FOCAD: variants seen among roughly 807,000 people sequenced by gnomAD.
FOCAD encodes the protein focadhesin.
A neutral mutation model predicts 225.6 loss-of-function variants in FOCAD; 198 were observed. That is an observed-to-expected ratio of 0.88 (90% CI 0.78 to 0.99). The LOEUF (loss-of-function observed/expected upper bound fraction) is 0.99. Among genes scored for constraint, FOCAD ranks in the 50% least tolerant of loss-of-function variants. The pLI is 0.00. For missense variants in FOCAD, 2,713 were observed against 2,123.6 expected (o/e 1.28, Z -5.46); for synonymous variants, 897 against 755.0 (o/e 1.19, Z -3.08).
At chr9:20,770,288 C>T in intron 8 of FOCAD, 50 bp downstream of exon 8, 2 of 1,485,634 alleles carry the variant, frequency 1.3e-6, no homozygotes, top group South Asian at 1.2e-5. Context: ...TTAAGAAATA[C>T]CTGAGACTTG....
chr9:20,956,924 C>T (rs1003001412), intron 35 of FOCAD, among the ~76,000 whole-genome samples: 1 of 152,140 alleles, frequency 6.6e-6, no homozygotes, highest in African/African-American at 2.4e-5. Flanking sequence ...GAACTCCCGA[C>T]CTCAGGTGAT....
intron 16 of FOCAD, 55 bp from the exon 17 acceptor site, chr9:20,865,871 G>C: frequency 7.8e-7 from 1 of 1,283,116 alleles, no homozygotes; most frequent in Non-Finnish European, 1.1e-6. Flanking sequence ...GGATTATTTA[G>C]TCTCAGTTTT....
chr9:20,778,897 A>G (rs1238786337), intron 9 of FOCAD, 129 bp downstream of exon 9: 2 of 510,464 alleles, frequency 3.9e-6, no homozygotes, highest in Non-Finnish European at 6.8e-6. Context: ...AAATTATTAA[A>G]TAGAATTTTT....
chr9:20,936,556 C>G (rs776500323), intron 28 of FOCAD, among the ~76,000 whole-genome samples: 1 of 152,030 alleles, frequency 6.6e-6, no homozygotes, highest in Non-Finnish European at 1.5e-5. Flanking sequence ...AGGCCGGGCG[C>G]GGTGGCTCAC....
Position 20,981,568 on chromosome 9 carries a change from C to G in FOCAD, c.4520C>G (p.Pro1507Arg), listed in dbSNP as rs1346332051. ...ASPLGSPELCPSALHGLSQAM... is the reference protein window; with the variant it reads ...ASPLGSPELCRSALHGLSQAM... Reference sequence around the variant, plus strand: ...CCACTTGGAAGTCCTGAGCTATGCCCAAGTGCTTTACACGGTCTGAGCCAG... The same window carrying G: ...CCACTTGGAAGTCCTGAGCTATGCCGAAGTGCTTTACACGGTCTGAGCCAG... Residue 1507 changes from proline (P) to arginine (R), a missense_variant, in exon 38 of 44, where the codon CCA (proline) becomes CGA (arginine). Transcript: ENST00000338382. 1 of 1,614,020 alleles carries G rather than the reference C, an allele frequency of 6.2e-7. No homozygotes were observed. Among genetic ancestry groups the G allele is most frequent in the Non-Finnish European group, 8.5e-7 (1 of 1,179,996 alleles).
intron 5 of FOCAD, among the ~76,000 whole-genome samples, chr9:20,748,559 A>T (rs1828268555): frequency 6.6e-6 from 1 of 152,142 alleles, no homozygotes; most frequent in African/African-American, 2.4e-5. Context: ...AATCAGAGAA[A>T]GAAGATGGGA....
At chr9:20,811,965 C>G (rs530853980) in intron 11 of FOCAD, among the ~76,000 whole-genome samples, 2 of 152,124 alleles carry the variant, frequency 1.3e-5, no homozygotes, top group African/African-American at 4.8e-5. Flanking sequence ...TGAATACACA[C>G]TATTATCTTA....
Position 20,976,496 on chromosome 9 carries a change from T to A in FOCAD, c.4209T>A (p.Tyr1403Ter). 1 of 1,613,368 alleles carries A rather than the reference T, an allele frequency of 6.2e-7. No homozygotes were observed. Among genetic ancestry groups the A allele is most frequent in the Non-Finnish European group, 8.5e-7 (1 of 1,179,418 alleles). The change falls in exon 36 of 44, where the codon TAT becomes TAA. Residue 1403 changes from tyrosine to a stop codon, truncating the protein, a stop_gained. Coordinates refer to ENST00000338382, the MANE Select transcript of FOCAD (RefSeq NM_001375567.1). LOFTEE classifies it high-confidence loss of function. Reference protein sequence around the residue: ...PIATVGESYQYPPVNWAALLS... With the variant: ...PIATVGESYQ The stretch of plus-strand genomic sequence containing the variant: ...CAACTGTTGGAGAAAGCTACCAATA[T>A]CCTCCTGTGAACTGGGCTGCACTTC...
At chr9:20,816,959 A>G (rs1823788662) in intron 11 of FOCAD, among the ~76,000 whole-genome samples, 1 of 152,174 alleles carries the variant, frequency 6.6e-6, no homozygotes, top group South Asian at 2.1e-4. Context: ...ATGCCATTTT[A>G]TATAAGATGC....
At chr9:20,665,501 TGTGTCAGGACAAGATCAAATAA>T (rs1821874265) in intron 2 of FOCAD, among the ~76,000 whole-genome samples, 1 of 152,204 alleles carries the variant, frequency 6.6e-6, no homozygotes. Flanking sequence ...TGGTCTGTAT[TGTGTCAGGACAAGATCAAATAA>T]GTGCATATCC....
intron 21 of FOCAD, among the ~76,000 whole-genome samples, chr9:20,897,489 A>C (rs551854439): frequency 3.3e-5 from 5 of 151,402 alleles, no homozygotes; most frequent in Non-Finnish European, 5.9e-5. Context: ...TTTCAACTGA[A>C]CATTTTGTAT....
chr9:20,984,115 T>C (rs1272882362), intron 39 of FOCAD, among the ~76,000 whole-genome samples: 1 of 152,210 alleles, frequency 6.6e-6, no homozygotes, highest in Non-Finnish European at 1.5e-5. Flanking sequence ...AGTTTTCTAT[T>C]TGTTTCTGAA....
intron 4 of FOCAD, among the ~76,000 whole-genome samples, chr9:20,733,626 G>A (rs924694301): frequency 4.6e-5 from 7 of 152,034 alleles, no homozygotes; most frequent in Non-Finnish European, 1.0e-4. Context: ...TTGTCCTTGC[G>A]ATAGTTTACT....
chr9:20,857,252 G>A (rs1405150418), intron 15 of FOCAD, among the ~76,000 whole-genome samples: 1 of 151,640 alleles, frequency 6.6e-6, no homozygotes, highest in Non-Finnish European at 1.5e-5. Flanking sequence ...TTTTTTCTGT[G>A]TGTCCTCTTC....
intron 29 of FOCAD, among the ~76,000 whole-genome samples, chr9:20,945,893 A>C (rs1837126083): frequency 6.6e-6 from 1 of 152,132 alleles, no homozygotes; most frequent in Non-Finnish European, 1.5e-5. Context: ...CATTCTTATA[A>C]GGGAGGTTTT....
chr9:20,809,717 T>G (rs1304718315), intron 11 of FOCAD, among the ~76,000 whole-genome samples: 1 of 152,196 alleles, frequency 6.6e-6, no homozygotes, highest in African/African-American at 2.4e-5. Flanking sequence ...ATTATAGTTG[T>G]GAGTTTCTTA....
Position 20,759,711 on chromosome 9 carries a change from A to G in FOCAD, c.494+1520A>G, listed in dbSNP as rs560405328. 3.9e-5 allele frequency among the ~76,000 whole-genome samples: 6 copies of G among 152,236 alleles called. No individual in the cohort carries two copies. The South Asian group carries it at 6.2e-4, about 16-fold the overall frequency. ...TTCTTTTAAAGAGTAAAAGAAAAAA[A>G]TCTACCAGATTTATTGGTTGTTGAA... is the stretch of plus-strand genomic sequence containing the variant. On this transcript the variant is annotated intron_variant, in intron 6 of 43. Coordinates refer to ENST00000338382, the MANE Select transcript of FOCAD (RefSeq NM_001375567.1).
chr9:20,895,611 GTA>G, intron 21 of FOCAD, among the ~76,000 whole-genome samples: 1 of 151,684 alleles, frequency 6.6e-6, no homozygotes, highest in African/African-American at 2.4e-5. Flanking sequence ...TTATACATAA[GTA>G]TTTCATTTCT....
intron 11 of FOCAD, among the ~76,000 whole-genome samples, chr9:20,798,188 G>T (rs1011717755): frequency 9.9e-5 from 15 of 152,124 alleles, no homozygotes; most frequent in African/African-American, 3.4e-4. Context: ...TGCATCCTAG[G>T]GATGAAGCCC....
Sources: allele counts gnomAD v4.1 joint callset (sites outside exome capture counted in the v4.1 genomes callset), GRCh38; gene constraint gnomAD v4.1.1; transcripts MANE v1.5; gene names NCBI Gene and HGNC (gene_info 2026-07-23, HGNC 2026-07-21).